Variants in KCND3 observed in about 807,000 individuals in gnomAD.
The protein encoded by KCND3 is potassium voltage-gated channel subfamily D member 3.
In KCND3, 9 loss-of-function variants were observed where a neutral mutation model predicts 51.1. The ratio of observed to expected loss-of-function variants is 0.18; its 90% CI spans 0.11 to 0.31. The LOEUF (loss-of-function observed/expected upper bound fraction) is 0.31, where lower values mean the gene tolerates loss of function less well. KCND3 is among the 10% of genes least tolerant of loss of function. The pLI, the probability that KCND3 is intolerant of heterozygous loss-of-function variation, is 1.00. For synonymous variants in KCND3, 349 were observed against 368.0 expected (o/e 0.95, Z 0.59); for missense variants, 526 against 903.8 (o/e 0.58, Z 5.36).
chr1:111,885,899 C>T (rs1314299406), intron 2 of KCND3, among the ~76,000 whole-genome samples: 5 of 152,090 alleles, frequency 3.3e-5, no homozygotes, highest in Non-Finnish European at 5.9e-5. Flanking sequence ...TCTCGAACTC[C>T]TGACCTCGTG....
chr1:111,832,028 CT>C (rs1319291444), intron 2 of KCND3, among the ~76,000 whole-genome samples: 3 of 152,198 alleles, frequency 2.0e-5, no homozygotes, highest in Admixed American at 6.5e-5. Flanking sequence ...GGGGAATATA[CT>C]GCTTTAATCA....
chr1:111,801,075 G>C (rs944850021), intron 2 of KCND3, among the ~76,000 whole-genome samples: 1 of 152,154 alleles, frequency 6.6e-6, no homozygotes, highest in Non-Finnish European at 1.5e-5. Context: ...CCTTCTCCCC[G>C]GGGCTGCTTC....
chr1:111,798,410 C>T (rs2101537463), intron 2 of KCND3, among the ~76,000 whole-genome samples: 1 of 152,198 alleles, frequency 6.6e-6, no homozygotes, highest in South Asian at 2.1e-4. Context: ...CCTGTCTTTC[C>T]ACCTTGGTTG....
chr1:111,869,855 C>T (rs1668752726), intron 2 of KCND3, among the ~76,000 whole-genome samples: 3 of 152,116 alleles, frequency 2.0e-5, no homozygotes, highest in Admixed American at 2.0e-4. Flanking sequence ...GGATTCATAC[C>T]TGGTAAAGTC....
intron 2 of KCND3, among the ~76,000 whole-genome samples, chr1:111,840,073 C>A (rs902561675): frequency 1.3e-5 from 2 of 152,130 alleles, no homozygotes; most frequent in Non-Finnish European, 2.9e-5. Context: ...CAGAGATGGC[C>A]GTCCTTGCTG....
At chr1:111,902,900 G>A (rs922440719) in intron 2 of KCND3, among the ~76,000 whole-genome samples, 1 of 152,204 alleles carries the variant, frequency 6.6e-6, no homozygotes, top group African/African-American at 2.4e-5. Flanking sequence ...GAGTAGCAGA[G>A]TGCTTTGCTC....
chr1:111,875,675 G>C (rs973872030), intron 2 of KCND3, among the ~76,000 whole-genome samples: 1 of 152,182 alleles, frequency 6.6e-6, no homozygotes, highest in African/African-American at 2.4e-5. Flanking sequence ...TTCTTGTGTT[G>C]CCTCTCTTAG....
At chr1:111,804,161 G>A (rs1665455530) in intron 2 of KCND3, among the ~76,000 whole-genome samples, 1 of 152,240 alleles carries the variant, frequency 6.6e-6, no homozygotes, top group African/African-American at 2.4e-5. Context: ...CTGCTGCCCA[G>A]CTCCTCCCTG....
At chr1:111,819,300 C>G (rs963410108) in intron 2 of KCND3, among the ~76,000 whole-genome samples, 1 of 151,896 alleles carries the variant, frequency 6.6e-6, no homozygotes, top group Non-Finnish European at 1.5e-5. Flanking sequence ...TGAAAAGTTA[C>G]AGCAGGTCTT....
Position 111,981,482 on chromosome 1 carries a change from A to G in KCND3, c.1106+139T>C, listed in dbSNP as rs1468123276. 6 of 1,255,458 alleles carry G rather than the reference A, an allele frequency of 4.8e-6. No individual in the cohort carries two copies. Among genetic ancestry groups the G allele is most frequent in the East Asian group, 4.8e-5 (2 of 41,838 alleles). The allele number at this position is 1,255,458 out of a possible 1,614,324, so 77.8% of individuals were successfully genotyped here. A position where few individuals can be genotyped will look rare whatever the true frequency, so the allele number is the denominator to read the frequency against. On this transcript the variant is annotated intron_variant, in intron 2 of 7. Coordinates refer to ENST00000302127, the MANE Select transcript of KCND3 (RefSeq NM_001378969.1). The surrounding 1 kb of genome is among the most constrained non-coding windows in gnomAD (Gnocchi z 6.2). ...GACTCATGGGCTTTACCCTTCGGAT[A>G]GAGCAACTTCCCCTGCCCCCAACAC...
At chr1:111,855,892 G>C (rs1178276015) in intron 2 of KCND3, among the ~76,000 whole-genome samples, 1 of 152,184 alleles carries the variant, frequency 6.6e-6, no homozygotes, top group Non-Finnish European at 1.5e-5. Context: ...CAAAGCCTAG[G>C]AGAAGAGAAT....
intron 2 of KCND3, among the ~76,000 whole-genome samples, chr1:111,934,467 A>G (rs532497519): frequency 6.6e-6 from 1 of 152,378 alleles, no homozygotes; most frequent in African/African-American, 2.4e-5. Flanking sequence ...CAAGCACCTC[A>G]GCCCCAGACA....
At chr1:111,958,856 G>C (rs142955982) in intron 2 of KCND3, among the ~76,000 whole-genome samples, 5 of 152,204 alleles carry the variant, frequency 3.3e-5, no homozygotes, top group Non-Finnish European at 7.3e-5. Flanking sequence ...GGTTCTGAGG[G>C]TGGTGGTGGG....
At chr1:111,797,916 T>C (rs993739738) in intron 2 of KCND3, among the ~76,000 whole-genome samples, 1 of 152,138 alleles carries the variant, frequency 6.6e-6, no homozygotes, top group African/African-American at 2.4e-5. Context: ...GGTGGATGTA[T>C]TGGATGGGGA....
At chr1:111,947,605 T>C (rs181461422) in intron 2 of KCND3, among the ~76,000 whole-genome samples, 19 of 152,306 alleles carry the variant, frequency 1.2e-4, no homozygotes, top group African/African-American at 3.6e-4. Context: ...CATGAGACCA[T>C]GTGTTCTTGA....
At chr1:111,805,614 T>C (rs1006362759) in intron 2 of KCND3, among the ~76,000 whole-genome samples, 1 of 152,226 alleles carries the variant, frequency 6.6e-6, no homozygotes, top group African/African-American at 2.4e-5. Flanking sequence ...TTAAAGAGCA[T>C]GGCTAAGCAG....
intron 2 of KCND3, among the ~76,000 whole-genome samples, chr1:111,825,171 C>A (rs1369283970): frequency 1.3e-5 from 2 of 152,212 alleles, no homozygotes; most frequent in Non-Finnish European, 2.9e-5. Context: ...TGGAGTCATT[C>A]TGAGCCCACC....
At chr1:111,977,969 T>C (rs1674731314) in intron 2 of KCND3, among the ~76,000 whole-genome samples, 1 of 152,102 alleles carries the variant, frequency 6.6e-6, no homozygotes, top group Non-Finnish European at 1.5e-5. Context: ...AATGGAGCAT[T>C]TGGGAACTCA....
At chr1:111,860,045 T>G (rs1322365285) in intron 2 of KCND3, among the ~76,000 whole-genome samples, 2 of 152,226 alleles carry the variant, frequency 1.3e-5, no homozygotes, top group African/African-American at 2.4e-5. Context: ...ATAACTTCAT[T>G]GGTGCTATTC....
Sources: allele counts gnomAD v4.1 joint callset (sites outside exome capture counted in the v4.1 genomes callset), GRCh38; gene constraint gnomAD v4.1.1; non-coding constraint Gnocchi (gnomAD v3.1); transcripts MANE v1.5; gene names NCBI Gene and HGNC (gene_info 2026-07-23, HGNC 2026-07-21).